EXOC4: variants seen among roughly 807,000 people sequenced by gnomAD.
EXOC4 encodes the protein exocyst complex component 4, also known as SEC8-like 1.
A neutral mutation model predicts 107.2 loss-of-function variants in EXOC4; 71 were observed. The observed-to-expected ratio is 0.66, with a 90% CI of 0.55 to 0.81. The LOEUF (loss-of-function observed/expected upper bound fraction) is 0.81, where lower values mean the gene tolerates loss of function less well. Among genes scored for constraint, EXOC4 ranks in the 30% least tolerant of loss-of-function variants. EXOC4 has a pLI of 0.00. For synonymous variants in EXOC4, 456 were observed against 441.2 expected (o/e 1.03, Z -0.42); for missense variants, 1,108 against 1,189.6 (o/e 0.93, Z 1.01).
chr7:133,326,804 A>G (rs950621358), intron 5 of EXOC4, among the ~76,000 whole-genome samples: 1 of 152,220 alleles, frequency 6.6e-6, no homozygotes, highest in Non-Finnish European at 1.5e-5. Context: ...CTGCCCCCAG[A>G]GGTGCAGTCT....
At chr7:133,972,193 C>G (rs192824409) in intron 14 of EXOC4, among the ~76,000 whole-genome samples, 34 of 152,264 alleles carry the variant, frequency 2.2e-4, no homozygotes, top group African/African-American at 7.7e-4. Context: ...AATGAGAGAG[C>G]TGGGATATTA....
intron 6 of EXOC4, among the ~76,000 whole-genome samples, chr7:133,366,022 A>T (rs1357125832): frequency 6.6e-6 from 1 of 152,220 alleles, no homozygotes; most frequent in African/African-American, 2.4e-5. Flanking sequence ...AATAGAACAG[A>T]ACTAATTCTT....
intron 17 of EXOC4, among the ~76,000 whole-genome samples, chr7:134,048,778 T>C (rs1795716664): frequency 6.6e-6 from 1 of 152,202 alleles, no homozygotes; most frequent in Non-Finnish European, 1.5e-5. Flanking sequence ...GCTGCCATCC[T>C]TCTCTCTTTG....
intron 5 of EXOC4, among the ~76,000 whole-genome samples, chr7:133,337,303 A>G (rs993323499): frequency 2.0e-5 from 3 of 152,120 alleles, no homozygotes; most frequent in African/African-American, 7.2e-5. Context: ...AGTTTCCTTC[A>G]TTTTCAAGAC....
intron 10 of EXOC4, among the ~76,000 whole-genome samples, chr7:133,787,514 C>G (rs1796600165): frequency 6.6e-6 from 1 of 151,906 alleles, no homozygotes; most frequent in South Asian, 2.1e-4. Context: ...GGCTTACTGT[C>G]TTAGTCACTT....
chr7:133,973,231 C>T (rs1030286675), intron 14 of EXOC4, among the ~76,000 whole-genome samples: 2 of 151,972 alleles, frequency 1.3e-5, no homozygotes, highest in African/African-American at 2.4e-5. Context: ...ATTCGGCGAC[C>T]ATGGAAAAAG....
At chr7:133,865,868 G>T (rs533500736) in intron 11 of EXOC4, among the ~76,000 whole-genome samples, 4 of 152,118 alleles carry the variant, frequency 2.6e-5, no homozygotes, top group Non-Finnish European at 5.9e-5. Flanking sequence ...ACTGAAGATC[G>T]TAATTCAATA....
intron 10 of EXOC4, among the ~76,000 whole-genome samples, chr7:133,642,825 C>T (rs778031343): frequency 3.3e-5 from 5 of 152,108 alleles, no homozygotes; most frequent in Non-Finnish European, 7.4e-5. Context: ...CGAATCCTTC[C>T]TTTTTCCAGG....
intron 7 of EXOC4, among the ~76,000 whole-genome samples, chr7:133,429,971 GTCTAGGGGTGTGTTAAAATTAATGC>G (rs1469718163): frequency 9.8e-5 from 15 of 152,296 alleles, no homozygotes; most frequent in African/African-American, 3.6e-4. Flanking sequence ...CCATGGCAGT[GTCTAGGGGTGTGTTAAAATTAATGC>G]TCTTTTAGCA....
intron 10 of EXOC4, among the ~76,000 whole-genome samples, chr7:133,776,573 C>T (rs182409815): frequency 2.0e-5 from 3 of 152,282 alleles, no homozygotes; most frequent in Admixed American, 2.0e-4. Context: ...GGACACGAGT[C>T]ATTTACTCTT....
intron 9 of EXOC4, among the ~76,000 whole-genome samples, chr7:133,609,457 A>T (rs1802027657): frequency 6.6e-6 from 1 of 152,236 alleles, no homozygotes; most frequent in Non-Finnish European, 1.5e-5. Context: ...CATAATAGCT[A>T]TGTGGCAATT....
chr7:133,308,652 A>G (rs773773305), intron 4 of EXOC4, among the ~76,000 whole-genome samples: 1 of 152,202 alleles, frequency 6.6e-6, no homozygotes, highest in Non-Finnish European at 1.5e-5. Flanking sequence ...AAAAAAACCT[A>G]CTTAAACAGG....
chr7:133,974,957 A>G (rs1349633876), intron 14 of EXOC4, among the ~76,000 whole-genome samples: 1 of 152,102 alleles, frequency 6.6e-6, no homozygotes, highest in Non-Finnish European at 1.5e-5. Flanking sequence ...ACCCCAAATT[A>G]TGGCAAAGTA....
intron 14 of EXOC4, among the ~76,000 whole-genome samples, chr7:133,981,873 A>C (rs533656022): frequency 1.3e-5 from 2 of 152,380 alleles, no homozygotes; most frequent in African/African-American, 4.8e-5. Context: ...TCAATGGCAG[A>C]TTGGATAAAG....
intron 5 of EXOC4, among the ~76,000 whole-genome samples, chr7:133,320,511 C>G (rs1795087783): frequency 6.6e-6 from 1 of 152,064 alleles, no homozygotes; most frequent in Admixed American, 6.5e-5. Context: ...TAGATTGATT[C>G]CACCTGGATA....
intron 9 of EXOC4, among the ~76,000 whole-genome samples, chr7:133,538,853 AAGAAAG>A (rs199696623): frequency 0.036 from 1,899 of 52,792 alleles, 22 homozygotes; most frequent in East Asian, 0.19. Context: ...GAAAGAAAGA[AAGAAAG>A]AGAGAGAGAG....
At chr7:133,579,598 C>T (rs542628356) in intron 9 of EXOC4, among the ~76,000 whole-genome samples, 39 of 152,172 alleles carry the variant, frequency 2.6e-4, no homozygotes, top group African/African-American at 8.9e-4. Context: ...TCTTTTTCAT[C>T]TTACAAAACT....
intron 17 of EXOC4, among the ~76,000 whole-genome samples, chr7:134,027,720 G>A (rs1034606234): frequency 7.2e-5 from 11 of 151,758 alleles, no homozygotes; most frequent in African/African-American, 2.7e-4. Flanking sequence ...TAGTGAAGGA[G>A]AAAGAAGCAG....
At chr7:133,630,546 T>G (rs1312461311) in intron 10 of EXOC4, among the ~76,000 whole-genome samples, 1 of 152,148 alleles carries the variant, frequency 6.6e-6, no homozygotes, top group Non-Finnish European at 1.5e-5. Flanking sequence ...TGCCCATAGC[T>G]GCTTTTGTGC....
Sources: gnomAD v4.1 joint callset for allele counts (sites outside exome capture counted in the v4.1 genomes callset) on GRCh38, gnomAD v4.1.1 for gene constraint, MANE v1.5 for transcripts, NCBI Gene and HGNC (gene_info 2026-07-23, HGNC 2026-07-21) for gene names.